The following LOC400499 variants were observed in gnomAD, a reference collection of about 807,000 sequenced individuals.
chr16:11,449,170 C>A, the LOC400499 span: 2 of 1,297,338 alleles, frequency 1.5e-6, no homozygotes, highest in Admixed American at 2.4e-5. Context: ...ACCTGGGATA[C>A]CCTTTCATCT....
chr16:11,394,987 C>T, the LOC400499 span, among the ~76,000 whole-genome samples: 4 of 152,214 alleles, frequency 2.6e-5, no homozygotes, highest in African/African-American at 9.6e-5. Flanking sequence ...ACTAAACATG[C>T]AGAAGCATGT....
chr16:11,388,907 T>C, the LOC400499 span, among the ~76,000 whole-genome samples: 1 of 151,682 alleles, frequency 6.6e-6, no homozygotes, highest in Non-Finnish European at 1.5e-5. Context: ...GCTAATATGG[T>C]GAAACCCCGT....
At chr16:11,416,972 C>T in the LOC400499 span, among the ~76,000 whole-genome samples, 1 of 152,106 alleles carries the variant, frequency 6.6e-6, no homozygotes, top group Non-Finnish European at 1.5e-5. Context: ...GACGGCTGTA[C>T]TGTATTGTGC....
chr16:11,504,878 G>A, the LOC400499 span, among the ~76,000 whole-genome samples: 1 of 151,976 alleles, frequency 6.6e-6, no homozygotes, highest in East Asian at 1.9e-4. Context: ...AGCCAAGATC[G>A]CACAACTGCA....
chr16:11,403,743 C>T, the LOC400499 span, among the ~76,000 whole-genome samples: 1 of 152,232 alleles, frequency 6.6e-6, no homozygotes. Flanking sequence ...CCACAAATTA[C>T]AGCCCCTTCC....
At chr16:11,441,108 A>G in the LOC400499 span, 1 of 398,956 alleles carries the variant, frequency 2.5e-6, no homozygotes, top group South Asian at 1.3e-4. Context: ...GCACTGAGAG[A>G]GGTCTCATCC....
chr16:11,488,933 G>T, the LOC400499 span: 1 of 398,236 alleles, frequency 2.5e-6, no homozygotes, highest in Non-Finnish European at 4.4e-6. Flanking sequence ...GCGCTGTCCA[G>T]AGAAAAGACC....
chr16:11,434,605 T>C, the LOC400499 span, among the ~76,000 whole-genome samples: 2 of 152,202 alleles, frequency 1.3e-5, no homozygotes, highest in African/African-American at 4.8e-5. Flanking sequence ...TATCCTGTAC[T>C]GAGCATTAAG....
At chr16:11,466,208 C>A in the LOC400499 span, among the ~76,000 whole-genome samples, 13 of 152,230 alleles carry the variant, frequency 8.5e-5, no homozygotes, top group East Asian at 2.1e-3. Flanking sequence ...CAAAAAATCC[C>A]TAACAGTGGT....
At chr16:11,511,496 G>A in the LOC400499 span, among the ~76,000 whole-genome samples, 1 of 151,990 alleles carries the variant, frequency 6.6e-6, no homozygotes. Flanking sequence ...CTGTACAATG[G>A]AATATTATTC....
At chr16:11,373,376 G>A in the LOC400499 span, among the ~76,000 whole-genome samples, 13 of 152,316 alleles carry the variant, frequency 8.5e-5, no homozygotes, top group East Asian at 7.7e-4. Context: ...ATGGAGTCTC[G>A]CGCTATCACC....
the LOC400499 span, among the ~76,000 whole-genome samples, chr16:11,485,490 G>A: frequency 1.3e-5 from 2 of 152,042 alleles, no homozygotes; most frequent in East Asian, 1.9e-4. Flanking sequence ...CCCTGGATGG[G>A]GGGGAGGGTT....
chr16:11,456,068 G>C, the LOC400499 span, among the ~76,000 whole-genome samples: 1 of 150,374 alleles, frequency 6.7e-6, no homozygotes, highest in African/African-American at 2.4e-5. Flanking sequence ...TCCTGAGGTG[G>C]AGTTTCACTC....
the LOC400499 span, chr16:11,508,756 A>C: frequency 2.5e-6 from 1 of 399,094 alleles, no homozygotes; most frequent in Non-Finnish European, 4.4e-6. Context: ...CCTCCTTACT[A>C]ATGTGGCTGC....
At chr16:11,459,784 C>A in the LOC400499 span, 1 of 1,106,606 alleles carries the variant, frequency 9.0e-7, no homozygotes, top group Non-Finnish European at 1.1e-6. Flanking sequence ...GGCTAAGTTT[C>A]AGCTGCTTGC....
chr16:11,430,911 C>G, the LOC400499 span: 1 of 397,502 alleles, frequency 2.5e-6, no homozygotes, highest in Non-Finnish European at 4.4e-6. Context: ...TTATCTAAAC[C>G]TGTAGATATG....
chr16:11,398,483 C>T, the LOC400499 span: 7 of 1,232,300 alleles, frequency 5.7e-6, no homozygotes, highest in Non-Finnish European at 7.1e-6. Context: ...CCATGATGAT[C>T]TTGTCTGGCT....
chr16:11,417,911 C>T, the LOC400499 span: 1 of 398,194 alleles, frequency 2.5e-6, no homozygotes, highest in Non-Finnish European at 4.4e-6. Context: ...CTGGCACTGG[C>T]TCCCACAAAC....
chr16:11,464,111 T>C, the LOC400499 span, among the ~76,000 whole-genome samples: 1 of 152,180 alleles, frequency 6.6e-6, no homozygotes, highest in African/African-American at 2.4e-5. Flanking sequence ...TGTATCTACA[T>C]GTGGATGTTC....
Sources: gnomAD v4.1 joint callset for allele counts (sites outside exome capture counted in the v4.1 genomes callset) on GRCh38, gnomAD v4.1.1 for gene constraint, MANE v1.5 for transcripts.